Variants in INPP4B observed in about 807,000 individuals in gnomAD.
The protein encoded by INPP4B is inositol polyphosphate 4-phosphatase type II.
A neutral mutation model predicts 122.5 loss-of-function variants in INPP4B; 55 were observed. The observed-to-expected ratio is 0.45, with a 90% confidence interval of 0.36 to 0.56. The LOEUF (loss-of-function observed/expected upper bound fraction) is 0.56, where lower values mean the gene tolerates loss of function less well. INPP4B is among the 20% of genes least tolerant of loss of function. The pLI is 0.00. For synonymous variants in INPP4B, 403 were observed against 388.7 expected (o/e 1.04, Z -0.43); for missense variants, 1,000 against 1,097.7 (o/e 0.91, Z 1.26).
chr4:142,496,508 T>C (rs1028268233), intron 2 of INPP4B, among the ~76,000 whole-genome samples: 1 of 152,188 alleles, frequency 6.6e-6, no homozygotes, highest in Non-Finnish European at 1.5e-5. Flanking sequence ...GATTCCAAAA[T>C]GGTAGTTTTT....
intron 1 of INPP4B, among the ~76,000 whole-genome samples, chr4:142,741,025 C>A (rs905584284): frequency 3.3e-5 from 5 of 152,064 alleles, no homozygotes; most frequent in African/African-American, 1.2e-4. Flanking sequence ...TCCAAAGAAG[C>A]AACAAACACT....
intron 2 of INPP4B, among the ~76,000 whole-genome samples, chr4:142,696,813 T>C (rs1165086431): frequency 1.3e-5 from 2 of 152,148 alleles, no homozygotes; most frequent in Non-Finnish European, 2.9e-5. Context: ...GAAAAGCAGG[T>C]TTATAGTTCC....
At chr4:142,704,241 A>G (rs1762186689) in intron 2 of INPP4B, among the ~76,000 whole-genome samples, 1 of 152,202 alleles carries the variant, frequency 6.6e-6, no homozygotes, top group Non-Finnish European at 1.5e-5. Context: ...GGAGACACAG[A>G]GTGAGACTGA....
In INPP4B at chr4:142,695,406, A is replaced by T. The variant is rs534132437; in HGVS notation, c.-191+30433T>A. On this transcript the variant is annotated intron_variant, in intron 2 of 25. Coordinates refer to ENST00000262992, the MANE Select transcript of INPP4B (RefSeq NM_001101669.3). ...TGTTTCCCTAAAAATAAAAATTTTT[A>T]AATTAATACATAGAAGTGAGTTTTA... 2.2e-4 allele frequency among the ~76,000 whole-genome samples: 34 copies of T among 152,302 alleles called. No homozygotes were observed. In the East Asian group the frequency reaches 6.0e-3, roughly 27 times the overall value.
intron 7 of INPP4B, among the ~76,000 whole-genome samples, chr4:142,338,603 G>A (rs910007511): frequency 1.3e-5 from 2 of 152,130 alleles, no homozygotes; most frequent in East Asian, 3.9e-4. Context: ...CCCAACTAAT[G>A]GGTGAGTTGG....
Position 142,500,077 on chromosome 4 carries a change from T to C in INPP4B, c.-190-37351A>G, listed in dbSNP as rs182541119. On this transcript the variant is annotated intron_variant, in intron 2 of 25. Transcript: ENST00000262992. ...TTCCTCCACAACAAGCTCTAAACATTTGGCCAATTCTGAGTCAAACTAATG... is the reference window on the plus strand; with the variant it reads ...TTCCTCCACAACAAGCTCTAAACATCTGGCCAATTCTGAGTCAAACTAATG... Among the ~76,000 whole-genome samples, 616 of 152,222 alleles carry C rather than the reference T, an allele frequency of 4.0e-3. 4 individuals carry two copies. Among genetic ancestry groups the C allele is most frequent in the Middle Eastern group, 0.014 (4 of 294 alleles).
intron 2 of INPP4B, among the ~76,000 whole-genome samples, chr4:142,663,120 G>A (rs1460976240): frequency 1.3e-5 from 2 of 152,144 alleles, no homozygotes; most frequent in African/African-American, 2.4e-5. Context: ...CATAGATGGA[G>A]GTGAAAGTGA....
At chr4:142,808,306 C>G (rs748353669) in intron 1 of INPP4B, among the ~76,000 whole-genome samples, 1 of 149,512 alleles carries the variant, frequency 6.7e-6, no homozygotes, top group Admixed American at 6.7e-5. Flanking sequence ...TTTAAATGGA[C>G]AGTAAAAATG....
chr4:142,241,272 C>T (rs1190289269), intron 11 of INPP4B, among the ~76,000 whole-genome samples: 1 of 151,970 alleles, frequency 6.6e-6, no homozygotes, highest in Non-Finnish European at 1.5e-5. Context: ...CTAAAAATAT[C>T]ATGCGACCGA....
At chr4:142,290,429 A>T (rs911702810) in intron 9 of INPP4B, among the ~76,000 whole-genome samples, 1 of 151,648 alleles carries the variant, frequency 6.6e-6, no homozygotes, top group Non-Finnish European at 1.5e-5. Flanking sequence ...GCTGGTCGTG[A>T]ACTCCTGACC....
intron 12 of INPP4B, among the ~76,000 whole-genome samples, chr4:142,234,895 A>T (rs1216617753): frequency 6.6e-6 from 1 of 151,692 alleles, no homozygotes; most frequent in African/African-American, 2.4e-5. Flanking sequence ...GAAATAACAA[A>T]AGAGATACAG....
At chr4:142,617,274 A>G (rs1743916598) in intron 2 of INPP4B, among the ~76,000 whole-genome samples, 1 of 152,034 alleles carries the variant, frequency 6.6e-6, no homozygotes, top group Non-Finnish European at 1.5e-5. Flanking sequence ...ACAAATTGAC[A>G]CACAAAAAAG....
chr4:142,828,553 A>AC (rs2151175225), intron 1 of INPP4B, among the ~76,000 whole-genome samples: 3 of 152,314 alleles, frequency 2.0e-5, no homozygotes, highest in African/African-American at 7.2e-5. Context: ...TTACAGAAAA[A>AC]AAATGCAAAT....
rs529538583 is a variant in INPP4B, at chr4:142,551,994, G to A, written c.-190-89268C>T. Among the ~76,000 whole-genome samples, 6 of 152,218 alleles carry A rather than the reference G, an allele frequency of 3.9e-5. No individual in the cohort carries two copies. The South Asian group carries it at 8.3e-4, about 21-fold the overall frequency. On this transcript the variant is annotated intron_variant, in intron 2 of 25. Coordinates refer to ENST00000262992, the MANE Select transcript of INPP4B (RefSeq NM_001101669.3). ...TCCCTGCTGTAGTTCTGAACTAGAC[G>A]CATATAAATGTCAAGTGGCGGGGGA...
intron 21 of INPP4B, among the ~76,000 whole-genome samples, chr4:142,115,831 T>G (rs976343461): frequency 6.6e-6 from 1 of 152,106 alleles, no homozygotes; most frequent in Non-Finnish European, 1.5e-5. Flanking sequence ...TAAATGTAAA[T>G]GGGCTAAATG....
chr4:142,803,813 T>C (rs1351186234), intron 1 of INPP4B, among the ~76,000 whole-genome samples: 1 of 151,950 alleles, frequency 6.6e-6, no homozygotes, highest in Non-Finnish European at 1.5e-5. Flanking sequence ...GAAAATCACT[T>C]TGGGAGGCCG....
chr4:142,282,690 C>CA (rs1435192710), intron 9 of INPP4B, among the ~76,000 whole-genome samples: 1 of 152,132 alleles, frequency 6.6e-6, no homozygotes, highest in African/African-American at 2.4e-5. Flanking sequence ...TCCACATTGG[C>CA]AGTTCACATG....
rs945170613 is a variant in INPP4B at position 142,206,514 on chromosome 4, A to G, written c.1072+1911T>C. Among the ~76,000 whole-genome samples, 3 of 152,214 alleles carry G rather than the reference A, an allele frequency of 2.0e-5. No homozygotes were observed. In the East Asian group the frequency reaches 5.8e-4, roughly 29 times the overall value. On this transcript the variant is annotated intron_variant, in intron 14 of 25. Coordinates refer to ENST00000262992, the MANE Select transcript of INPP4B (RefSeq NM_001101669.3). Reference sequence around the variant, plus strand: ...GCAAATCAGCTGGTGGTATATATATATGATTGGTATGCAAACACTAGAAAA... The same window carrying G: ...GCAAATCAGCTGGTGGTATATATATGTGATTGGTATGCAAACACTAGAAAA...
At chr4:142,271,077 C>T (rs920426474) in intron 9 of INPP4B, among the ~76,000 whole-genome samples, 1 of 151,858 alleles carries the variant, frequency 6.6e-6, no homozygotes, top group East Asian at 1.9e-4. Context: ...GATTCTTCTG[C>T]CTCAGCCTCC....
Sources: allele counts gnomAD v4.1 joint callset (sites outside exome capture counted in the v4.1 genomes callset), GRCh38; gene constraint gnomAD v4.1.1; transcripts MANE v1.5; gene names NCBI Gene and HGNC (gene_info 2026-07-23, HGNC 2026-07-21).